The following DTNBP1 variants were observed in gnomAD, a reference collection of about 807,000 sequenced individuals.
DTNBP1 encodes the protein dysbindin.
A neutral mutation model predicts 42.8 loss-of-function variants in DTNBP1; 35 were observed. That is an observed-to-expected ratio of 0.82 (90% confidence interval 0.63 to 1.09). The LOEUF (loss-of-function observed/expected upper bound fraction) is 1.09. Ranked by LOEUF, DTNBP1 falls within the 50% of genes least tolerant of loss-of-function variation. The pLI is 0.00. For missense variants in DTNBP1, 457 were observed against 424.2 expected (o/e 1.08, Z -0.68); for synonymous variants, 171 against 162.2 (o/e 1.05, Z -0.41).
intron 6 of DTNBP1, among the ~76,000 whole-genome samples, chr6:15,614,296 TC>T (rs930577039): frequency 2.1e-4 from 32 of 151,780 alleles, no homozygotes; most frequent in Admixed American, 1.3e-3. Context: ...AGCAACCCAC[TC>T]CTGTTATTGT....
intron 1 of DTNBP1, among the ~76,000 whole-genome samples, chr6:15,659,555 CTT>C (rs5874523): frequency 1.2e-3 from 137 of 116,594 alleles, no homozygotes; most frequent in African/African-American, 2.5e-3. Context: ...GGGTTTCTTT[CTT>C]TTTTTTTTTT....
At chr6:15,594,027 T>C (rs987750993) in intron 6 of DTNBP1, among the ~76,000 whole-genome samples, 1 of 152,366 alleles carries the variant, frequency 6.6e-6, no homozygotes. Flanking sequence ...GCCAAGTAGA[T>C]AATGTTCTTG....
At chr6:15,578,986 T>C (rs1267959633) in intron 7 of DTNBP1, among the ~76,000 whole-genome samples, 1 of 152,228 alleles carries the variant, frequency 6.6e-6, no homozygotes, top group Admixed American at 6.5e-5. Context: ...GAAAACAGTA[T>C]GGAGGTGCCC....
In DTNBP1 at chr6:15,615,376, C is replaced by A; in HGVS notation, c.379G>T (p.Glu127Ter). The A allele has an allele frequency of 1.2e-6, 2 of 1,614,052 alleles. No homozygotes were observed. Among genetic ancestry groups the A allele is most frequent in the Non-Finnish European group, 1.7e-6 (2 of 1,180,026 alleles). ...AGATGCAGCAGGTTGTTCTCTACCT[C>A]CTCAAAACTCGCCTCTAAATGAGCT... ...NLTHLEASFE[E>*]VENNLLHLED... Residue 127 changes from glutamate (E) to a stop codon, truncating the protein, a stop_gained, in exon 6 of 10, where the codon GAG (glutamate) becomes TAG (stop). Coordinates refer to ENST00000344537, the MANE Select transcript of DTNBP1 (RefSeq NM_032122.5). LOFTEE classifies it high-confidence loss of function.
chr6:15,568,614 C>T (rs1208675444), intron 7 of DTNBP1, among the ~76,000 whole-genome samples: 2 of 152,114 alleles, frequency 1.3e-5, no homozygotes, highest in Non-Finnish European at 1.5e-5. Context: ...ACCTCCTCTA[C>T]CTTTGCCACC....
intron 6 of DTNBP1, among the ~76,000 whole-genome samples, chr6:15,606,205 G>A (rs756125400): frequency 1.2e-4 from 19 of 152,250 alleles, no homozygotes; most frequent in African/African-American, 2.4e-4. Context: ...CCACTGTCAC[G>A]TTTATTTTAT....
chr6:15,529,716 G>A (rs892640335), intron 8 of DTNBP1, among the ~76,000 whole-genome samples: 1 of 152,256 alleles, frequency 6.6e-6, no homozygotes, highest in African/African-American at 2.4e-5. Context: ...TCTCCGAGGT[G>A]ATTTATTAAT....
intron 4 of DTNBP1, among the ~76,000 whole-genome samples, chr6:15,635,754 CTT>C (rs1759971153): frequency 6.6e-6 from 1 of 152,154 alleles, no homozygotes; most frequent in African/African-American, 2.4e-5. Flanking sequence ...TCTGTGTACT[CTT>C]TGACTCTCTC....
chr6:15,602,732 G>C (rs1776778669), intron 6 of DTNBP1, among the ~76,000 whole-genome samples: 1 of 152,082 alleles, frequency 6.6e-6, no homozygotes, highest in Non-Finnish European at 1.5e-5. Flanking sequence ...TAATAATTTT[G>C]CTTTGCTTAA....
Position 15,533,586 on chromosome 6 carries a change from G to C in DTNBP1, c.512-191C>G, listed in dbSNP as rs567861178. ...TCTGCTGCACTTCCTCCCCCTACCTGGGCGGTCAGGGTCAGGCCCTTCGTT... is the reference window on the plus strand; with the variant it reads ...TCTGCTGCACTTCCTCCCCCTACCTCGGCGGTCAGGGTCAGGCCCTTCGTT... On this transcript the variant is annotated intron_variant, in intron 7 of 9. Transcript: ENST00000344537. 122 of 928,874 alleles carry C rather than the reference G, an allele frequency of 1.3e-4. 1 individual carries two copies. The highest frequency in any genetic ancestry group is 1.3e-3 in the South Asian group (97 of 74,208). The allele number at this position is 928,874 out of a possible 1,614,324, so 57.5% of individuals were successfully genotyped here.
chr6:15,657,522 C>T (rs1382752373), intron 1 of DTNBP1, among the ~76,000 whole-genome samples: 2 of 152,158 alleles, frequency 1.3e-5, no homozygotes, highest in African/African-American at 2.4e-5. Flanking sequence ...CTCCCTCTAC[C>T]CCATCCCCTA....
chr6:15,636,157 C>CTTTTTTTTTT lies in DTNBP1; in HGVS notation c.222+1577_222+1586dup, dbSNP rs70996562. On this transcript the variant is annotated intron_variant, in intron 4 of 9. Coordinates refer to ENST00000344537, the MANE Select transcript of DTNBP1 (RefSeq NM_032122.5). ...GTCAAAGAACACAAATTACCTGCAC[C>CTTTTTTTTTT]TTTTTTTTTTTTTTTGAGACAGAGT... Among the ~76,000 whole-genome samples, 203 of 126,992 alleles carry CTTTTTTTTTT rather than the reference C, an allele frequency of 1.6e-3. 8 individuals carry two copies. The highest frequency in any genetic ancestry group is 5.3e-3 in the African/African-American group (167 of 31,542). The allele number at this position is 126,992 out of a possible 152,430, so 83.3% of individuals were successfully genotyped here. A position where few individuals can be genotyped will look rare whatever the true frequency, so the allele number is the denominator to read the frequency against.
chr6:15,537,240 G>GAAACCCC (rs200565844), intron 7 of DTNBP1, among the ~76,000 whole-genome samples: 22,993 of 151,544 alleles, frequency 0.15, 2,601 homozygotes, highest in African/African-American at 0.31. Context: ...CTAACATGGT[G>GAAACCCC]GTCATGTATT....
intron 5 of DTNBP1, among the ~76,000 whole-genome samples, chr6:15,625,920 C>G (rs1759312480): frequency 1.3e-5 from 2 of 152,198 alleles, no homozygotes; most frequent in Non-Finnish European, 2.9e-5. Context: ...AAGAGGAAAC[C>G]AATGCAGACG....
At chr6:15,610,344 G>C (rs1012015560) in intron 6 of DTNBP1, among the ~76,000 whole-genome samples, 5 of 152,150 alleles carry the variant, frequency 3.3e-5, no homozygotes, top group African/African-American at 7.2e-5. Flanking sequence ...TGTTCTGACT[G>C]CTCCACTGAC....
At chr6:15,625,521 G>T (rs752152982) in intron 5 of DTNBP1, among the ~76,000 whole-genome samples, 1 of 152,200 alleles carries the variant, frequency 6.6e-6, no homozygotes, top group Non-Finnish European at 1.5e-5. Flanking sequence ...GAAGAATAAG[G>T]TCATGTGTCA....
intron 5 of DTNBP1, among the ~76,000 whole-genome samples, chr6:15,620,827 C>A (rs1337625561): frequency 6.6e-6 from 1 of 152,166 alleles, no homozygotes; most frequent in African/African-American, 2.4e-5. Context: ...TCTGCTCCTG[C>A]CAGATGAGAT....
rs974484173 is a variant in DTNBP1, at chr6:15,597,739, C to T, written c.489-4658G>A. Reference sequence around the variant, plus strand: ...CTTCCATCCTGCATCACATGCGTGCCCAGAGTTGGACCCAACAGACACTCA... The same window carrying T: ...CTTCCATCCTGCATCACATGCGTGCTCAGAGTTGGACCCAACAGACACTCA... On this transcript the variant is annotated intron_variant, in intron 6 of 9. Coordinates refer to ENST00000344537, the MANE Select transcript of DTNBP1 (RefSeq NM_032122.5). 2.6e-5 allele frequency among the ~76,000 whole-genome samples: 4 copies of T among 152,128 alleles called. No homozygotes were observed. In the East Asian group the frequency reaches 7.7e-4, roughly 29 times the overall value.
chr6:15,610,448 T>G (rs899487410), intron 6 of DTNBP1, among the ~76,000 whole-genome samples: 1 of 152,160 alleles, frequency 6.6e-6, no homozygotes, highest in African/African-American at 2.4e-5. Flanking sequence ...ATAATAACCC[T>G]ACAATGGCCT....
Sources: allele counts gnomAD v4.1 joint callset (sites outside exome capture counted in the v4.1 genomes callset), GRCh38; gene constraint gnomAD v4.1.1; transcripts MANE v1.5; gene names NCBI Gene and HGNC (gene_info 2026-07-23, HGNC 2026-07-21).